Variants in PPP3CA observed in about 807,000 individuals in gnomAD.
PPP3CA encodes CAM-PRP catalytic subunit.
Under a neutral mutation model 66.5 loss-of-function variants are expected in PPP3CA, and 14 were observed. The ratio of observed to expected loss-of-function variants is 0.21; its 90% CI spans 0.14 to 0.33. The LOEUF (loss-of-function observed/expected upper bound fraction) is 0.33. PPP3CA is among the 10% of genes least tolerant of loss of function. The pLI, the probability that PPP3CA is intolerant of heterozygous loss-of-function variation, is 1.00. For synonymous variants in PPP3CA, 232 were observed against 226.2 expected, an observed-to-expected ratio of 1.03 and a Z score of -0.23; for missense variants, 317 against 639.5, an observed-to-expected ratio of 0.50 and a Z score of 5.44.
chr4:101,105,499 T>C (rs1174491786), intron 3 of PPP3CA, among the ~76,000 whole-genome samples: 3 of 149,066 alleles, frequency 2.0e-5, no homozygotes, highest in East Asian at 1.9e-4. Flanking sequence ...AATTCTAAAA[T>C]GCTCTAATTA....
chr4:101,102,327 T>C (rs1056838982), intron 3 of PPP3CA, among the ~76,000 whole-genome samples: 1 of 150,696 alleles, frequency 6.6e-6, no homozygotes, highest in East Asian at 2.0e-4. Context: ...GAATGAGAAA[T>C]AGAAGGCAGA....
chr4:101,240,049 G>C (rs543702069), intron 1 of PPP3CA, among the ~76,000 whole-genome samples: 33 of 19,672 alleles, frequency 1.7e-3, no homozygotes, highest in African/African-American at 4.4e-3. Flanking sequence ...TGGGGGGAGC[G>C]GGGGGGAGGT....
At chr4:101,299,475 T>C (rs578158190) in intron 1 of PPP3CA, among the ~76,000 whole-genome samples, 2 of 152,082 alleles carry the variant, frequency 1.3e-5, no homozygotes, top group Admixed American at 6.6e-5. Context: ...GCCAAGTAAC[T>C]GGGATTATAG....
rs945430759 is a variant in PPP3CA at position 101,093,971 on chromosome 4, T to C, written c.643-56A>G. On this transcript the variant is annotated intron_variant, in intron 5 of 13. Transcript: ENST00000394854. ...ACTAATCTTTGGAAACTTAGAATTC[T>C]GACAATACAAGAAACAAGCACTGTG... is the stretch of plus-strand genomic sequence containing the variant. 2.0e-5 allele frequency: 30 copies of C among 1,501,432 alleles called. No homozygotes were observed. In the African/African-American group the frequency reaches 3.4e-4, roughly 17 times the overall value. The allele number at this position is 1,501,432 out of a possible 1,614,324, so 93.0% of individuals were successfully genotyped here.
intron 1 of PPP3CA, among the ~76,000 whole-genome samples, chr4:101,241,558 T>G (rs1726310737): frequency 6.6e-6 from 1 of 152,178 alleles, no homozygotes; most frequent in Non-Finnish European, 1.5e-5. Context: ...TTGTAGAATA[T>G]TTAGTTGTCT....
chr4:101,171,367 C>T (rs1054022976), intron 2 of PPP3CA: 1 of 344,598 alleles, frequency 2.9e-6, no homozygotes, highest in African/African-American at 2.2e-5. Flanking sequence ...AAAAAAAAAC[C>T]CTTCAAAGAA....
intron 2 of PPP3CA, among the ~76,000 whole-genome samples, chr4:101,115,683 G>C (rs1201228308): frequency 6.6e-6 from 1 of 151,714 alleles, no homozygotes; most frequent in African/African-American, 2.4e-5. Flanking sequence ...CTGTCACCCT[G>C]AATAGAAGAT....
intron 5 of PPP3CA, among the ~76,000 whole-genome samples, chr4:101,096,596 A>G (rs1050524725): frequency 7.9e-5 from 12 of 152,200 alleles, no homozygotes; most frequent in Admixed American, 2.0e-4. Flanking sequence ...TTGAAGGAGG[A>G]CACTTAGTAA....
intron 2 of PPP3CA, chr4:101,158,442 C>T (rs573703249): frequency 1.3e-5 from 2 of 152,222 alleles, no homozygotes; most frequent in Admixed American, 1.3e-4. Context: ...AAGGGAGCAA[C>T]TGTTTTTCCT....
intron 8 of PPP3CA, among the ~76,000 whole-genome samples, chr4:101,073,243 GTGTGTGTGTGTA>G (rs1017229748): frequency 1.6e-5 from 2 of 128,678 alleles, no homozygotes; most frequent in African/African-American, 5.6e-5. Flanking sequence ...GTGTGTGTGT[GTGTGTGTGTGTA>G]TAGTGTATAT....
intron 8 of PPP3CA, 83 bp from the exon 9 acceptor site, chr4:101,063,440 A>T: frequency 6.8e-7 from 1 of 1,468,118 alleles, no homozygotes; most frequent in Non-Finnish European, 9.1e-7. Context: ...AAGAAAATTC[A>T]ACCATTTGAC....
At chr4:101,256,747 A>G (rs1301413297) in intron 1 of PPP3CA, among the ~76,000 whole-genome samples, 1 of 152,046 alleles carries the variant, frequency 6.6e-6, no homozygotes, top group Non-Finnish European at 1.5e-5. Context: ...CCTGAGAAGC[A>G]CTGTAATGTT....
intron 2 of PPP3CA, among the ~76,000 whole-genome samples, chr4:101,159,831 C>A (rs183886639): frequency 6.6e-6 from 1 of 151,984 alleles, no homozygotes; most frequent in East Asian, 1.9e-4. Context: ...TATCAACCAG[C>A]GCTGCCTTTT....
At chr4:101,298,435 A>G (rs1055380758) in intron 1 of PPP3CA, among the ~76,000 whole-genome samples, 2 of 151,854 alleles carry the variant, frequency 1.3e-5, no homozygotes, top group African/African-American at 2.4e-5. Context: ...TCATTAAGTT[A>G]TACAGAGTAT....
intron 1 of PPP3CA, among the ~76,000 whole-genome samples, chr4:101,205,895 G>C (rs1409225693): frequency 1.3e-5 from 2 of 152,152 alleles, no homozygotes; most frequent in Non-Finnish European, 2.9e-5. Context: ...TTGTATCTGT[G>C]ACCACAGTGA....
chr4:101,099,828 A>C (rs548880979), intron 3 of PPP3CA, 106 bp from the exon 4 acceptor site: 1 of 508,674 alleles, frequency 2.0e-6, no homozygotes, highest in Non-Finnish European at 3.1e-6. Flanking sequence ...TACCATGACC[A>C]AAAGTCCCCC....
At chr4:101,112,932 C>T (rs1356539966) in intron 2 of PPP3CA, among the ~76,000 whole-genome samples, 1 of 152,108 alleles carries the variant, frequency 6.6e-6, no homozygotes, top group African/African-American at 2.4e-5. Context: ...CAAGAAACAC[C>T]TGCTGTGCTA....
At chr4:101,255,365 A>G (rs775140877) in intron 1 of PPP3CA, among the ~76,000 whole-genome samples, 1 of 151,934 alleles carries the variant, frequency 6.6e-6, no homozygotes, top group Non-Finnish European at 1.5e-5. Flanking sequence ...AAACAACGTA[A>G]TGTCTCCATG....
At chr4:101,323,636 T>C (rs1729108751) in intron 1 of PPP3CA, among the ~76,000 whole-genome samples, 1 of 152,180 alleles carries the variant, frequency 6.6e-6, no homozygotes, top group African/African-American at 2.4e-5. Context: ...TATGCTTTCA[T>C]ATATAAGCCA....
Sources: allele counts gnomAD v4.1 joint callset (sites outside exome capture counted in the v4.1 genomes callset), GRCh38; gene constraint gnomAD v4.1.1; transcripts MANE v1.5; gene names NCBI Gene and HGNC (gene_info 2026-07-23, HGNC 2026-07-21).